NNT: variants seen among roughly 807,000 people sequenced by gnomAD.
NNT encodes nicotinamide nucleotide transhydrogenase.
NNT carries 50 observed loss-of-function variants against 104.8 expected under a neutral mutation model. That is an observed-to-expected ratio of 0.48 (90% CI 0.38 to 0.60). The LOEUF (loss-of-function observed/expected upper bound fraction) is 0.60, where lower values mean the gene tolerates loss of function less well. Among genes scored for constraint, NNT ranks in the 20% least tolerant of loss-of-function variants. The pLI is 0.00. For synonymous variants in NNT, 461 were observed against 490.4 expected (o/e 0.94, Z 0.79); for missense variants, 1,131 against 1,330.7 (o/e 0.85, Z 2.33).
chr5:43,696,752 A>G (rs1162371877), intron 19 of NNT, among the ~76,000 whole-genome samples: 4 of 152,172 alleles, frequency 2.6e-5, no homozygotes, highest in Non-Finnish European at 4.4e-5. Context: ...GCTCCACATC[A>G]TGTGGAAGCT....
At chr5:43,624,220 A>G in intron 6 of NNT, 100 bp downstream of exon 6, 1 of 968,358 alleles carries the variant, frequency 1.0e-6, no homozygotes. Flanking sequence ...AGCACATTGC[A>G]ACTGGTCTAT....
At chr5:43,647,378 T>C (rs746871671) in intron 10 of NNT, among the ~76,000 whole-genome samples, 1 of 152,232 alleles carries the variant, frequency 6.6e-6, no homozygotes, top group Non-Finnish European at 1.5e-5. Context: ...AAGGCACATA[T>C]AATGATTTAT....
chr5:43,660,051 G>C (rs1018298991), intron 17 of NNT, among the ~76,000 whole-genome samples: 1 of 152,094 alleles, frequency 6.6e-6, no homozygotes, highest in Admixed American at 6.5e-5. Context: ...TATTTTAAGA[G>C]ACTTTATCGT....
intron 7 of NNT, among the ~76,000 whole-genome samples, chr5:43,629,206 G>A (rs1750545462): frequency 6.6e-6 from 1 of 151,764 alleles, no homozygotes; most frequent in Admixed American, 6.6e-5. Context: ...TCATAGCTTA[G>A]CTTCCACTTT....
rs1351935048 is a variant in NNT, at chr5:43,628,252, G to A, written c.829G>A (p.Asp277Asn). Residue 277 changes from aspartate (D) to asparagine (N), a missense_variant, in exon 7 of 22, where the codon GAC becomes AAC. Transcript: ENST00000344920. ...TCTTGGTGCTGAGCCCTTGGAGGTGGACTTGAAGGAATCTGGTGAGGGACA... is the reference window on the plus strand; with the variant it reads ...TCTTGGTGCTGAGCCCTTGGAGGTGAACTTGAAGGAATCTGGTGAGGGACA... ...KSLGAEPLEV[D>N]LKESGEGQGG... 1.9e-6 allele frequency: 3 copies of A among 1,613,946 alleles called. No homozygotes were observed. In the South Asian group the frequency reaches 3.3e-5, roughly 18 times the overall value.
chr5:43,644,038 G>A (rs1337401171), intron 7 of NNT, among the ~76,000 whole-genome samples, 154 bp from the exon 8 acceptor site: 1 of 152,170 alleles, frequency 6.6e-6, no homozygotes, highest in Admixed American at 6.5e-5. Context: ...TGAATGCCCA[G>A]TCTCACCCAT....
At chr5:43,667,156 G>T (rs1224672552) in intron 17 of NNT, 31 of 1,488,020 alleles carry the variant, frequency 2.1e-5, no homozygotes, top group Non-Finnish European at 2.7e-5. Context: ...GTATCTTTGT[G>T]ATCGGGGTTT....
intron 19 of NNT, among the ~76,000 whole-genome samples, chr5:43,696,441 G>A (rs1421456906): frequency 5.3e-5 from 8 of 152,182 alleles, no homozygotes; most frequent in Admixed American, 5.2e-4. Context: ...TTCATGGAAT[G>A]GCATTGAGTT....
chr5:43,667,590 C>T (rs1295939969), intron 17 of NNT, among the ~76,000 whole-genome samples: 1 of 152,192 alleles, frequency 6.6e-6, no homozygotes, highest in Non-Finnish European at 1.5e-5. Context: ...CTACAAAGGA[C>T]ATGAACTCAT....
At chr5:43,642,031 T>C (rs558526475) in intron 7 of NNT, among the ~76,000 whole-genome samples, 1 of 152,344 alleles carries the variant, frequency 6.6e-6, no homozygotes, top group South Asian at 2.1e-4. Context: ...CAGGGACTGA[T>C]CCTTAGCTAT....
At chr5:43,675,735 C>CCATGGG in intron 18 of NNT, 65 bp downstream of exon 18, 1 of 1,200,506 alleles carries the variant, frequency 8.3e-7, no homozygotes, top group Non-Finnish European at 1.1e-6. Context: ...ATTAAAATTT[C>CCATGGG]TTATAATAGG....
intron 17 of NNT, among the ~76,000 whole-genome samples, chr5:43,670,056 G>A (rs9765678): frequency 5.3e-5 from 8 of 152,174 alleles, no homozygotes; most frequent in South Asian, 4.1e-4. Flanking sequence ...TAGATTTTCT[G>A]GCTTATTTGC....
chr5:43,614,703 G>A (rs1278057511), intron 3 of NNT, among the ~76,000 whole-genome samples: 1 of 152,208 alleles, frequency 6.6e-6, no homozygotes, highest in Non-Finnish European at 1.5e-5. Context: ...CAGAGGCTGT[G>A]TTTTCTGTGT....
Position 43,653,102 on chromosome 5 carries a change from C to G in NNT, c.1948C>G (p.Leu650Val). 1 of 1,614,110 alleles carries G rather than the reference C, an allele frequency of 6.2e-7. No individual in the cohort carries two copies. Among genetic ancestry groups the G allele is most frequent in the Non-Finnish European group, 8.5e-7 (1 of 1,180,030 alleles). Residue 650 changes from leucine (L) to valine (V), a missense_variant, in exon 14 of 22, where the codon CTG (leucine) becomes GTG (valine). Physicochemically the swap from Leu to Val is conservative, Grantham distance 32 (BLOSUM62 1). Transcript: ENST00000344920. Reference sequence around the variant, plus strand: ...GGGAACAGCACGTCTTGGCAATGCACTGGGCATGATTGGGGTTGCTGGAGG... The same window carrying G: ...GGGAACAGCACGTCTTGGCAATGCAGTGGGCATGATTGGGGTTGCTGGAGG... ...TQGTARLGNA[L>V]GMIGVAGGLA...
intron 17 of NNT, among the ~76,000 whole-genome samples, chr5:43,673,796 A>G (rs904953089): frequency 9.9e-5 from 15 of 152,194 alleles, no homozygotes; most frequent in East Asian, 3.8e-4. Flanking sequence ...AGGCAGGCAG[A>G]TCACTTGTGG....
chr5:43,640,070 T>C (rs574812363), intron 7 of NNT, among the ~76,000 whole-genome samples: 38 of 152,242 alleles, frequency 2.5e-4, no homozygotes, highest in Non-Finnish European at 2.9e-4. Context: ...TTAATTTTCC[T>C]GTTTCTTTTG....
intron 19 of NNT, among the ~76,000 whole-genome samples, chr5:43,696,808 T>C (rs1742580919): frequency 6.6e-6 from 1 of 152,208 alleles, no homozygotes; most frequent in Non-Finnish European, 1.5e-5. Context: ...GCCCAAGCTA[T>C]ACCTTGGCCC....
chr5:43,634,997 A>T (rs1181492690), intron 7 of NNT, among the ~76,000 whole-genome samples: 2 of 152,162 alleles, frequency 1.3e-5, no homozygotes, highest in Non-Finnish European at 2.9e-5. Flanking sequence ...GTTGTAAAGG[A>T]TTGGGAGACT....
In NNT at chr5:43,662,920, G is replaced by C. The variant is rs566760203; in HGVS notation, c.2634+3570G>C. On this transcript the variant is annotated intron_variant, in intron 17 of 21. Transcript: ENST00000344920. ...AAAAAAAAAAAAAAAATTCCAATTA[G>C]TTAAAGATGTTTAATGTAGGAAATT... Among the ~76,000 whole-genome samples, 6 of 150,836 alleles carry C rather than the reference G, an allele frequency of 4.0e-5. No homozygotes were observed. In the South Asian group the frequency reaches 1.3e-3, roughly 32 times the overall value.
Sources: allele counts gnomAD v4.1 joint callset (sites outside exome capture counted in the v4.1 genomes callset), GRCh38; gene constraint gnomAD v4.1.1; transcripts MANE v1.5; gene names NCBI Gene and HGNC (gene_info 2026-07-23, HGNC 2026-07-21).